Variants in PLCL1 observed in about 807,000 individuals in gnomAD.
PLCL1 encodes inactive phospholipase C-like protein 1.
Under a neutral mutation model 84.4 loss-of-function variants are expected in PLCL1, and 41 were observed. The observed-to-expected ratio is 0.49, with a 90% CI of 0.38 to 0.63. The LOEUF (loss-of-function observed/expected upper bound fraction) is 0.63, where lower values mean the gene tolerates loss of function less well. PLCL1 is among the 30% of genes least tolerant of loss of function. The probability of loss-of-function intolerance (pLI) is 0.00; values close to 1 mark genes in which losing one functional copy is unlikely to be tolerated. For synonymous variants in PLCL1, 490 were observed against 488.3 expected (o/e 1.00, Z -0.05); for missense variants, 1,206 against 1,367.8 (o/e 0.88, Z 1.87).
intron 1 of PLCL1, among the ~76,000 whole-genome samples, chr2:198,039,108 A>C: frequency 6.6e-6 from 1 of 152,106 alleles, no homozygotes; most frequent in Non-Finnish European, 1.5e-5. Flanking sequence ...ATTTTTGTGG[A>C]GGGTAAACAT....
chr2:198,101,368 T>C lies in PLCL1; in HGVS notation c.2995+8T>C, dbSNP rs756770702. On this transcript the variant is annotated splice_region_variant and intron_variant, in intron 4 of 5. Transcript: ENST00000428675. The stretch of plus-strand genomic sequence containing the variant: ...TACAGTGTCAGAAAGCAGGTAATTG[T>C]TTTTAATTTTTTTTTCTGTTTTTTT... 1 of 1,433,634 alleles carries C rather than the reference T, an allele frequency of 7.0e-7. No homozygotes were observed. The highest frequency in any genetic ancestry group is 9.6e-7 in the Non-Finnish European group (1 of 1,043,852). The allele number at this position is 1,433,634 out of a possible 1,614,324, so 88.8% of individuals were successfully genotyped here. A position where few individuals can be genotyped will look rare whatever the true frequency, so the allele number is the denominator to read the frequency against.
At chr2:197,842,231 C>G (rs1292352974) in intron 1 of PLCL1, among the ~76,000 whole-genome samples, 1 of 151,986 alleles carries the variant, frequency 6.6e-6, no homozygotes, top group Non-Finnish European at 1.5e-5. Context: ...ATTCTCCTAC[C>G]CCTCATTCCA....
At chr2:197,847,807 G>A (rs1454864096) in intron 1 of PLCL1, among the ~76,000 whole-genome samples, 2 of 152,136 alleles carry the variant, frequency 1.3e-5, no homozygotes, top group African/African-American at 4.8e-5. Flanking sequence ...TTGTATTTGT[G>A]CTGAAATGCC....
intron 1 of PLCL1, among the ~76,000 whole-genome samples, chr2:197,926,579 G>A (rs1222170552): frequency 1.3e-5 from 2 of 151,950 alleles, no homozygotes; most frequent in African/African-American, 2.4e-5. Flanking sequence ...TTTTCTAACC[G>A]TGACCATAAA....
At chr2:197,931,228 GC>G (rs1269263567) in intron 1 of PLCL1, among the ~76,000 whole-genome samples, 2 of 152,118 alleles carry the variant, frequency 1.3e-5, no homozygotes, top group Non-Finnish European at 2.9e-5. Flanking sequence ...GGCTCCCTTT[GC>G]CCCCATAAAA....
intron 1 of PLCL1, among the ~76,000 whole-genome samples, chr2:197,863,402 G>A (rs1393053919): frequency 6.6e-6 from 1 of 152,026 alleles, no homozygotes; most frequent in African/African-American, 2.4e-5. Context: ...ATGACTATTA[G>A]TCTGATAACA....
intron 1 of PLCL1, among the ~76,000 whole-genome samples, chr2:197,931,110 G>A (rs1688922813): frequency 6.6e-6 from 1 of 152,102 alleles, no homozygotes; most frequent in Non-Finnish European, 1.5e-5. Flanking sequence ...GTAAATTCCA[G>A]CTGGAATAAA....
At chr2:197,991,284 G>A (rs1012399529) in intron 1 of PLCL1, among the ~76,000 whole-genome samples, 2 of 152,106 alleles carry the variant, frequency 1.3e-5, no homozygotes, top group Non-Finnish European at 2.9e-5. Context: ...TGGTTCTCAG[G>A]CCTTCACACT....
chr2:197,819,239 A>C (rs1690757818), intron 1 of PLCL1, among the ~76,000 whole-genome samples: 1 of 152,088 alleles, frequency 6.6e-6, no homozygotes, highest in Admixed American at 6.6e-5. Context: ...GAAAGGGAGA[A>C]GTGGGTAGAG....
At chr2:197,863,000 A>T (rs190341880) in intron 1 of PLCL1, among the ~76,000 whole-genome samples, 23 of 152,254 alleles carry the variant, frequency 1.5e-4, no homozygotes, top group Non-Finnish European at 2.5e-4. Flanking sequence ...AATGTAACGT[A>T]CATGTTCCTG....
chr2:198,024,254 G>A (rs984783776), intron 1 of PLCL1, among the ~76,000 whole-genome samples: 2 of 152,124 alleles, frequency 1.3e-5, no homozygotes, highest in Non-Finnish European at 2.9e-5. Context: ...TCAGGGGTTG[G>A]CAGGCAAGGG....
At chr2:197,817,909 GT>G (rs1265813718) in intron 1 of PLCL1, among the ~76,000 whole-genome samples, 3 of 151,856 alleles carry the variant, frequency 2.0e-5, no homozygotes, top group Non-Finnish European at 2.9e-5. Flanking sequence ...ATGGTCTTTG[GT>G]TTTTTTGGAG....
At chr2:197,856,820 A>G (rs1687337012) in intron 1 of PLCL1, among the ~76,000 whole-genome samples, 1 of 152,218 alleles carries the variant, frequency 6.6e-6, no homozygotes, top group Non-Finnish European at 1.5e-5. Context: ...TTGTGACTTA[A>G]CATTTATTAC....
At chr2:198,053,734 C>T (rs1691995774) in intron 1 of PLCL1, among the ~76,000 whole-genome samples, 3 of 152,142 alleles carry the variant, frequency 2.0e-5, no homozygotes, top group Admixed American at 1.3e-4. Flanking sequence ...AAGGAGAGAC[C>T]TGCCAAAGGA....
intron 1 of PLCL1, among the ~76,000 whole-genome samples, chr2:197,834,747 C>T (rs1691147119): frequency 6.6e-6 from 1 of 152,188 alleles, no homozygotes; most frequent in Admixed American, 6.5e-5. Context: ...GTGGCAATTC[C>T]TCAAGGATCT....
chr2:197,818,447 G>A (rs1242618871), intron 1 of PLCL1, among the ~76,000 whole-genome samples: 1 of 152,070 alleles, frequency 6.6e-6, no homozygotes, highest in Non-Finnish European at 1.5e-5. Flanking sequence ...GGTTCCTGAA[G>A]ACAGCCTATT....
intron 1 of PLCL1, among the ~76,000 whole-genome samples, chr2:198,047,017 A>G (rs1277174672): frequency 6.6e-6 from 1 of 152,316 alleles, no homozygotes; most frequent in East Asian, 1.9e-4. Context: ...AAATGGGAAC[A>G]TCAACTTAGT....
At chr2:198,106,912 A>G (rs1423877040) in intron 5 of PLCL1, among the ~76,000 whole-genome samples, 1 of 151,904 alleles carries the variant, frequency 6.6e-6, no homozygotes, top group East Asian at 1.9e-4. Context: ...CCAGCCTGCA[A>G]TTTTTAACTC....
At chr2:198,088,181 C>T (rs1303790186) in intron 2 of PLCL1, among the ~76,000 whole-genome samples, 2 of 151,852 alleles carry the variant, frequency 1.3e-5, no homozygotes, top group East Asian at 3.9e-4. Flanking sequence ...ATCCAGGTAG[C>T]GTTGATAGTT....
Sources: allele counts gnomAD v4.1 joint callset (sites outside exome capture counted in the v4.1 genomes callset), GRCh38; gene constraint gnomAD v4.1.1; transcripts MANE v1.5; gene names NCBI Gene and HGNC (gene_info 2026-07-23, HGNC 2026-07-21).